Variants in DCHS2 observed in about 807,000 individuals in gnomAD.
DCHS2 encodes the protein protocadherin-23.
A neutral mutation model predicts 182.4 loss-of-function variants in DCHS2; 142 were observed. The ratio of observed to expected loss-of-function variants is 0.78; its 90% CI spans 0.68 to 0.89. The LOEUF is 0.89. Among genes scored for constraint, DCHS2 ranks in the 40% least tolerant of loss-of-function variants. The probability of loss-of-function intolerance (pLI) is 0.00; values close to 1 mark genes in which losing one functional copy is unlikely to be tolerated. For synonymous variants in DCHS2, 1,740 were observed against 1,663.3 expected, an observed-to-expected ratio of 1.05 and a Z score of -1.12; for missense variants, 4,319 against 4,198.6, an observed-to-expected ratio of 1.03 and a Z score of -0.79.
chr4:154,259,642 AAGACTGCTACTTTGCAATAGGCT>A lies in DCHS2; in HGVS notation c.6669_6691del (p.Arg2223SerfsTer5). 1 of 1,614,028 alleles carries A rather than the reference AAGACTGCTACTTTGCAATAGGCT, an allele frequency of 6.2e-7. No homozygotes were observed. ...TGAATTATCATTCTCATCCTGTATCAAGACTGCTACTTTGCAATAGGCTCTATGCCCACTACTTTCAGCTAAAA... is the reference window on the plus strand; with the variant it reads ...TGAATTATCATTCTCATCCTGTATCACTATGCCCACTACTTTCAGCTAAAA... On this transcript the variant is annotated frameshift_variant, in exon 15 of 20. Coordinates refer to ENST00000357232, the MANE Select transcript of DCHS2 (RefSeq NM_001358235.2). LOFTEE classifies it high-confidence loss of function.
chr4:154,489,948 A>T lies in DCHS2; in HGVS notation c.1408T>A (p.Ser470Thr). 1.3e-6 allele frequency: 2 copies of T among 1,542,974 alleles called. No homozygotes were observed. The highest frequency in any genetic ancestry group is 1.8e-6 in the Non-Finnish European group (2 of 1,141,190). ...AAGTCTCCCTCTCCGCCTTCCAAGGACAGAGAGATGCTCCCGTCTCCAAGA... is the reference window on the plus strand; with the variant it reads ...AAGTCTCCCTCTCCGCCTTCCAAGGTCAGAGAGATGCTCCCGTCTCCAAGA... ...VGLGDGSISLSLEGGEGDFAL... is the reference protein window; with the variant it reads ...VGLGDGSISLTLEGGEGDFAL... The change falls in exon 1 of 20, where the codon TCC (serine) becomes ACC (threonine). Residue 470 changes from serine (S) to threonine (T), a missense_variant. Physicochemically the swap from Ser to Thr is moderately conservative, Grantham distance 58. Transcript: ENST00000357232.
chr4:154,343,609 A>T (rs557753021), intron 3 of DCHS2: 27 of 1,510,900 alleles, frequency 1.8e-5, no homozygotes, highest in African/African-American at 1.7e-4. Context: ...CTAGCTTCAA[A>T]TTTTTTTTCT....
At chr4:154,338,597 C>T (rs1728922671) in intron 3 of DCHS2, among the ~76,000 whole-genome samples, 1 of 152,118 alleles carries the variant, frequency 6.6e-6, no homozygotes, top group African/African-American at 2.4e-5. Context: ...CACTCAATAA[C>T]TCAGAAATCT....
intron 1 of DCHS2, among the ~76,000 whole-genome samples, chr4:154,470,362 C>T (rs1408018972): frequency 6.6e-6 from 1 of 151,998 alleles, no homozygotes; most frequent in East Asian, 1.9e-4. Flanking sequence ...GTGGCACTTG[C>T]CTGTAGTCCT....
rs374987361 is a variant in DCHS2 at position 154,265,246 on chromosome 4, G to A, written c.6577+4654C>T. On this transcript the variant is annotated intron_variant, in intron 14 of 19. Coordinates refer to ENST00000357232, the MANE Select transcript of DCHS2 (RefSeq NM_001358235.2). ...TTTTCATTTACCGTAGTGAGAAAAA[G>A]CATAATGTACTTAGGAGAAATCTAA... 2.0e-5 allele frequency among the ~76,000 whole-genome samples: 3 copies of A among 152,236 alleles called. No homozygotes were observed. The East Asian group carries it at 5.8e-4, about 29-fold the overall frequency.
At chr4:154,307,210 T>C (rs970395131) in intron 10 of DCHS2, among the ~76,000 whole-genome samples, 5 of 152,132 alleles carry the variant, frequency 3.3e-5, no homozygotes, top group African/African-American at 9.7e-5. Context: ...AGAACAAACA[T>C]AGCATCATCA....
chr4:154,334,157 A>G (rs1165522118), intron 4 of DCHS2: 1 of 152,640 alleles, frequency 6.6e-6, no homozygotes, highest in African/African-American at 2.4e-5. Flanking sequence ...AGTTCAATTT[A>G]TGTTGATGTT....
rs901635123 is a variant in DCHS2, at chr4:154,234,673, T to G, written c.9979A>C (p.Asn3327His). 1.9e-6 allele frequency: 3 copies of G among 1,613,912 alleles called. No individual in the cohort carries two copies. The highest frequency in any genetic ancestry group is 2.5e-6 in the Non-Finnish European group (3 of 1,179,940). The change falls in exon 20 of 20, where the codon AAT becomes CAT. Residue 3327 changes from asparagine (N) to histidine (H), a missense_variant. Physicochemically the swap from Asn to His is moderately conservative, Grantham distance 68 (BLOSUM62 1). Coordinates refer to ENST00000357232, the MANE Select transcript of DCHS2 (RefSeq NM_001358235.2). ...AATAGGGAAAGAGATGGAGAAAAATTGGGAGTCATGCCTTCTGGCAGAGAA... is the reference window on the plus strand; with the variant it reads ...AATAGGGAAAGAGATGGAGAAAAATGGGGAGTCATGCCTTCTGGCAGAGAA... ...LGSLPEGMTP[N>H]FSPSLSLLTM...
chr4:154,320,829 G>A lies in DCHS2; in HGVS notation c.4570C>T (p.Pro1524Ser), dbSNP rs762099114. Residue 1524 changes from proline (P) to serine (S), a missense_variant, in exon 9 of 20, where the codon CCC becomes TCC. Pro to Ser is a moderately conservative substitution (Grantham distance 74). Transcript: ENST00000357232. ...AAGACATACACCAGGGTTCCTATGG[G>A]AACATTCTCCTCTACACTGATCACA... is the stretch of plus-strand genomic sequence containing the variant. The part of the protein sequence containing the change: ...LIVISVEENV[P>S]IGTLVYVFNA... 1.2e-6 allele frequency: 2 copies of A among 1,614,058 alleles called. No individual in the cohort carries two copies. The highest frequency in any genetic ancestry group is 1.7e-6 in the Non-Finnish European group (2 of 1,179,998).
At chr4:154,244,774 TC>T (rs1259047017) in intron 16 of DCHS2, among the ~76,000 whole-genome samples, 2 of 152,224 alleles carry the variant, frequency 1.3e-5, no homozygotes, top group South Asian at 2.1e-4. Flanking sequence ...ACCACCTGAA[TC>T]TCACATTTCT....
intron 7 of DCHS2, 181 bp from the exon 8 acceptor site, chr4:154,322,669 G>A: frequency 1.3e-6 from 1 of 781,186 alleles, no homozygotes; most frequent in Non-Finnish European, 1.8e-6. Context: ...TTTTTATTAT[G>A]GAAAATGCAT....
chr4:154,482,928 G>C (rs543883701), intron 1 of DCHS2, among the ~76,000 whole-genome samples: 1 of 152,362 alleles, frequency 6.6e-6, no homozygotes, highest in South Asian at 2.1e-4. Context: ...GCAGGCTATG[G>C]TGCTTAAAGC....
intron 17 of DCHS2, among the ~76,000 whole-genome samples, chr4:154,242,120 T>G (rs1731855203): frequency 6.6e-6 from 1 of 152,168 alleles, no homozygotes; most frequent in Non-Finnish European, 1.5e-5. Context: ...ACCCAAATAA[T>G]GAAGGTTAAC....
At chr4:154,278,889 C>T (rs1404321337) in intron 13 of DCHS2, among the ~76,000 whole-genome samples, 1 of 151,978 alleles carries the variant, frequency 6.6e-6, no homozygotes, top group Non-Finnish European at 1.5e-5. Flanking sequence ...AAAGTGAGTC[C>T]TTCAAGTTGA....
intron 10 of DCHS2, among the ~76,000 whole-genome samples, chr4:154,314,888 T>C (rs190778522): frequency 2.2e-3 from 341 of 152,302 alleles, no homozygotes; most frequent in Non-Finnish European, 4.4e-3. Context: ...ACTATTCATA[T>C]TAGTTCAGAT....
At chr4:154,429,153 C>T (rs1733458697) in intron 1 of DCHS2, among the ~76,000 whole-genome samples, 1 of 152,162 alleles carries the variant, frequency 6.6e-6, no homozygotes, top group Non-Finnish European at 1.5e-5. Context: ...TGTCTCTAAT[C>T]TGGCTTATGC....
rs575679566 is a variant in DCHS2, at chr4:154,323,306, T to G, written c.4019-818A>C. ...CACGACTGCTTCCCAAATGCTGTTT[T>G]TCCCTTCAGAGGCATAGGTCTAGCT... On this transcript the variant is annotated intron_variant, in intron 7 of 19. Transcript: ENST00000357232. 638 of 1,549,600 alleles carry G rather than the reference T, an allele frequency of 4.1e-4. 7 individuals are homozygous for G. In the South Asian group the frequency reaches 6.6e-3, roughly 16 times the overall value.
chr4:154,331,831 T>A, intron 5 of DCHS2: 1 of 1,103,412 alleles, frequency 9.1e-7, no homozygotes, highest in Non-Finnish European at 1.2e-6. Context: ...ATATGTTTCA[T>A]TGTAAGGATT....
At chr4:154,282,503 TA>T (rs564351515) in intron 13 of DCHS2, among the ~76,000 whole-genome samples, 2,215 of 149,034 alleles carry the variant, frequency 0.015, 50 homozygotes, top group African/African-American at 0.049. Flanking sequence ...TATCAAAAAT[TA>T]AAAAAAAAAC....
Sources: allele counts gnomAD v4.1 joint callset (sites outside exome capture counted in the v4.1 genomes callset), GRCh38; gene constraint gnomAD v4.1.1; transcripts MANE v1.5; gene names NCBI Gene and HGNC (gene_info 2026-07-23, HGNC 2026-07-21).